Variants in WWTR1 observed in about 807,000 individuals in gnomAD.
WWTR1 encodes WW domain-containing transcription regulator protein 1.
WWTR1 carries 13 observed loss-of-function variants against 40.1 expected under a neutral mutation model. The ratio of observed to expected loss-of-function variants is 0.32; its 90% confidence interval spans 0.21 to 0.52. WWTR1 has a LOEUF of 0.52. Among genes scored for constraint, WWTR1 ranks in the 20% least tolerant of loss-of-function variants. WWTR1 has a pLI of 0.97. For missense variants in WWTR1, 436 were observed against 523.1 expected (o/e 0.83, Z 1.63); for synonymous variants, 230 against 210.1 (o/e 1.09, Z -0.82).
In WWTR1 at chr3:149,672,415, A is replaced by G. The variant is rs1714119064; in HGVS notation, c.-107-2524T>C. On this transcript the variant is annotated intron_variant, in intron 1 of 7. Transcript: ENST00000465804. ...ATGACTACATGTTACAGCAAGGATG[A>G]TGGGGAAAAGTAGGCTACCTACGTA... Among the ~76,000 whole-genome samples, 4 of 152,198 alleles carry G rather than the reference A, an allele frequency of 2.6e-5. No individual in the cohort carries two copies. The South Asian group carries it at 6.2e-4, about 24-fold the overall frequency.
chr3:149,663,181 C>T (rs1205243472), intron 2 of WWTR1, among the ~76,000 whole-genome samples: 1 of 151,902 alleles, frequency 6.6e-6, no homozygotes, highest in African/African-American at 2.4e-5. Context: ...TACAGGTGCC[C>T]GCCATCACGC....
At chr3:149,668,657 A>C (rs544021105) in intron 2 of WWTR1, among the ~76,000 whole-genome samples, 165 of 151,822 alleles carry the variant, frequency 1.1e-3, no homozygotes, top group African/African-American at 3.7e-3. Context: ...TCACAACTCA[A>C]GGTCTAAAAT....
chr3:149,654,375 C>A (rs374280224), intron 2 of WWTR1, among the ~76,000 whole-genome samples: 13 of 152,202 alleles, frequency 8.5e-5, no homozygotes, highest in African/African-American at 2.7e-4. Flanking sequence ...TCCTTAAAGA[C>A]AATAGTCACT....
chr3:149,589,348 C>T (rs1230833527), intron 2 of WWTR1, among the ~76,000 whole-genome samples: 1 of 152,178 alleles, frequency 6.6e-6, no homozygotes, highest in Admixed American at 6.5e-5. Flanking sequence ...TCCCTCCTGA[C>T]TTTTTCTGTT....
At chr3:149,594,526 T>A (rs936116238) in intron 2 of WWTR1, among the ~76,000 whole-genome samples, 1 of 152,142 alleles carries the variant, frequency 6.6e-6, no homozygotes, top group African/African-American at 2.4e-5. Flanking sequence ...TTGTGAAAAA[T>A]TTTAACCTAA....
At chr3:149,640,407 C>A (rs932527139) in intron 2 of WWTR1, among the ~76,000 whole-genome samples, 2 of 151,980 alleles carry the variant, frequency 1.3e-5, no homozygotes, top group Non-Finnish European at 2.9e-5. Flanking sequence ...AAGGTTAGAA[C>A]CAATATAGAT....
chr3:149,606,430 AAT>A (rs1389618573), intron 2 of WWTR1, among the ~76,000 whole-genome samples: 1 of 152,254 alleles, frequency 6.6e-6, no homozygotes, highest in Non-Finnish European at 1.5e-5. Flanking sequence ...CATTTCCTCA[AAT>A]AGTAACTGAC....
At chr3:149,642,415 T>TCACACACA (rs146950880) in intron 2 of WWTR1, among the ~76,000 whole-genome samples, 2 of 146,102 alleles carry the variant, frequency 1.4e-5, no homozygotes, top group African/African-American at 5.0e-5. Context: ...CAAAACTCTG[T>TCACACACA]CACACACACA....
intron 1 of WWTR1, among the ~76,000 whole-genome samples, chr3:149,699,499 G>T (rs1428336741): frequency 6.6e-6 from 1 of 151,988 alleles, no homozygotes. Flanking sequence ...CTCCATGTTG[G>T]TCAGGCTGGT....
intron 2 of WWTR1, among the ~76,000 whole-genome samples, chr3:149,585,436 A>T (rs1004256831): frequency 1.3e-5 from 2 of 152,186 alleles, no homozygotes; most frequent in African/African-American, 4.8e-5. Context: ...CACCTGGCTG[A>T]TATACTTGAT....
At chr3:149,542,798 C>T (rs1185099768) in intron 3 of WWTR1, among the ~76,000 whole-genome samples, 1 of 152,152 alleles carries the variant, frequency 6.6e-6, no homozygotes, top group Non-Finnish European at 1.5e-5. Flanking sequence ...GTCTAGAGTA[C>T]ATTTTAAGCC....
upstream of WWTR1, chr3:149,660,249 T>G (rs2108172233): frequency 6.6e-6 from 1 of 152,300 alleles, no homozygotes; most frequent in East Asian, 1.9e-4. Flanking sequence ...GTCACAAGGC[T>G]GACTTGATGA....
intron 5 of WWTR1, among the ~76,000 whole-genome samples, chr3:149,710,250 T>C (rs1268068738): frequency 6.6e-6 from 1 of 152,152 alleles, no homozygotes; most frequent in Non-Finnish European, 1.5e-5. Flanking sequence ...ATATAAGCAT[T>C]GTATCGTTTT....
chr3:149,567,079 G>A (rs1737360567), intron 3 of WWTR1, among the ~76,000 whole-genome samples: 2 of 151,884 alleles, frequency 1.3e-5, no homozygotes, highest in Admixed American at 1.3e-4. Context: ...TGTACTGTCA[G>A]GAAGGATACT....
intron 2 of WWTR1, among the ~76,000 whole-genome samples, chr3:149,655,082 C>G (rs1028278360): frequency 1.4e-5 from 2 of 143,972 alleles, no homozygotes; most frequent in African/African-American, 2.6e-5. Flanking sequence ...GCCTAGATCG[C>G]GCCACTGCAC....
At chr3:149,628,468 G>A (rs1432690776) in intron 2 of WWTR1, among the ~76,000 whole-genome samples, 1 of 152,198 alleles carries the variant, frequency 6.6e-6, no homozygotes, top group South Asian at 2.1e-4. Flanking sequence ...TACTGCTCTA[G>A]GAAACAGCTG....
chr3:149,625,778 G>A (rs1250255636), intron 2 of WWTR1, among the ~76,000 whole-genome samples: 3 of 151,040 alleles, frequency 2.0e-5, no homozygotes, highest in African/African-American at 7.3e-5. Flanking sequence ...GCGACACAGC[G>A]AGATTCCAAA....
At chr3:149,650,820 G>A (rs956110474) in intron 2 of WWTR1, among the ~76,000 whole-genome samples, 1 of 152,198 alleles carries the variant, frequency 6.6e-6, no homozygotes, top group Non-Finnish European at 1.5e-5. Flanking sequence ...CTCTTAACCA[G>A]GAAAGTTGAC....
At chr3:149,572,667 A>G (rs760297208) in intron 3 of WWTR1, among the ~76,000 whole-genome samples, 197 bp downstream of exon 3, 1 of 151,788 alleles carries the variant, frequency 6.6e-6, no homozygotes, top group African/African-American at 2.4e-5. Context: ...ATTGAACACC[A>G]TTTCTTCAGC....
Sources: gnomAD v4.1 joint callset for allele counts (sites outside exome capture counted in the v4.1 genomes callset) on GRCh38, gnomAD v4.1.1 for gene constraint, MANE v1.5 for transcripts, NCBI Gene and HGNC (gene_info 2026-07-23, HGNC 2026-07-21) for gene names.